The following DIP2B variants were observed in gnomAD, a reference collection of about 807,000 sequenced individuals.
DIP2B encodes the protein DIP2 acetate--CoA ligase B (putative).
DIP2B carries 76 observed loss-of-function variants against 198.0 expected under a neutral mutation model. The ratio of observed to expected loss-of-function variants is 0.38; its 90% CI spans 0.32 to 0.46. The LOEUF (loss-of-function observed/expected upper bound fraction) is 0.46. DIP2B is among the 20% of genes least tolerant of loss of function. The pLI is 0.99. For missense variants in DIP2B, 1,559 were observed against 1,978.4 expected (o/e 0.79, Z 4.02); for synonymous variants, 701 against 739.1 (o/e 0.95, Z 0.84).
rs530473247 is a variant in DIP2B at position 50,515,773 on chromosome 12, A to G, written c.100+10533A>G. 4.6e-5 allele frequency among the ~76,000 whole-genome samples: 7 copies of G among 152,212 alleles called. 1 individual carries two copies. The South Asian group carries it at 1.2e-3, about 27-fold the overall frequency. On this transcript the variant is annotated intron_variant, in intron 1 of 37. Coordinates refer to ENST00000301180, the MANE Select transcript of DIP2B (RefSeq NM_173602.3). ...CTGTGCACGTGGTTCCCTAGTCTGT[A>G]TCTGTAGCCCTGACTTGCCTCTGCT...
intron 9 of DIP2B, among the ~76,000 whole-genome samples, chr12:50,682,391 C>T (rs1487368081): frequency 1.3e-5 from 2 of 151,968 alleles, no homozygotes. Flanking sequence ...TTTGGGAGGC[C>T]AAGGCAGGCA....
chr12:50,699,920 C>T (rs1939389197), intron 19 of DIP2B, among the ~76,000 whole-genome samples: 1 of 151,666 alleles, frequency 6.6e-6, no homozygotes, highest in Admixed American at 6.6e-5. Context: ...GGTAAGAGGC[C>T]TCACAAAAAT....
chr12:50,704,373 G>A (rs1422998904), intron 20 of DIP2B, among the ~76,000 whole-genome samples, 153 bp downstream of exon 20: 3 of 152,204 alleles, frequency 2.0e-5, no homozygotes, highest in Non-Finnish European at 4.4e-5. Context: ...CATAAAATGA[G>A]TTAGTGTTTA....
rs761592406 is a variant in DIP2B at position 50,718,819 on chromosome 12, G to A, written c.2961+1G>A. 2.5e-6 allele frequency: 4 copies of A among 1,613,944 alleles called. No homozygotes were observed. The highest frequency in any genetic ancestry group is 3.4e-6 in the Non-Finnish European group (4 of 1,179,844). On this transcript the variant is annotated splice_donor_variant, in intron 24 of 37. Coordinates refer to ENST00000301180, the MANE Select transcript of DIP2B (RefSeq NM_173602.3). LOFTEE classifies it high-confidence loss of function. ...AGAAGAGAATGATTTGGTGAGGAAG[G>A]TAAGTGTTCCTGAAGTGTTACCTTC...
intron 4 of DIP2B, among the ~76,000 whole-genome samples, chr12:50,669,737 T>C (rs556886966): frequency 6.6e-6 from 1 of 152,296 alleles, no homozygotes; most frequent in East Asian, 1.9e-4. Context: ...TTATTTTAAC[T>C]TTCTCTCTTG....
Position 50,731,534 on chromosome 12 carries a change from A to G in DIP2B, c.3807A>G (p.Leu1269=), listed in dbSNP as rs1176187454. The change falls in exon 31 of 38, where the codon CTA becomes CTG. Residue 1269 remains leucine (L), a synonymous_variant. Transcript: ENST00000301180. ...TKGLGNQVEV[L]KTRGINLSCV... ...GTCTTGGGAACCAAGTGGAAGTGCT[A>G]AAGGTAAGAAGCAGCTCCAGCAGGT... 6.2e-7 allele frequency: 1 copy of G among 1,611,512 alleles called. No individual in the cohort carries two copies. Among genetic ancestry groups the G allele is most frequent in the South Asian group, 1.1e-5 (1 of 90,812 alleles).
intron 22 of DIP2B, among the ~76,000 whole-genome samples, chr12:50,710,938 CAT>C (rs1939604202): frequency 1.3e-5 from 2 of 152,178 alleles, no homozygotes; most frequent in African/African-American, 4.8e-5. Context: ...TCATACCAAT[CAT>C]ATTTTCAGTC....
intron 3 of DIP2B, among the ~76,000 whole-genome samples, chr12:50,641,974 AAC>A (rs1429097669): frequency 3.3e-5 from 5 of 152,150 alleles, no homozygotes; most frequent in African/African-American, 9.7e-5. Context: ...TGAACTGAAA[AAC>A]ACAGTCTATA....
At chr12:50,552,084 T>C (rs1384948951) in intron 1 of DIP2B, among the ~76,000 whole-genome samples, 6 of 152,196 alleles carry the variant, frequency 3.9e-5, no homozygotes, top group African/African-American at 1.4e-4. Context: ...TGTTGTTTTT[T>C]AAAATAGATA....
chr12:50,606,332 G>A (rs1360651780), intron 1 of DIP2B, among the ~76,000 whole-genome samples: 3 of 151,986 alleles, frequency 2.0e-5, no homozygotes, highest in Admixed American at 1.3e-4. Context: ...TGTTGCCCAA[G>A]CTGGTCTGGA....
chr12:50,642,310 A>T lies in DIP2B; in HGVS notation c.301+1458A>T, dbSNP rs542430104. Among the ~76,000 whole-genome samples, 3 of 152,322 alleles carry T rather than the reference A, an allele frequency of 2.0e-5. No individual in the cohort carries two copies. The East Asian group carries it at 5.8e-4, about 29-fold the overall frequency. Reference sequence around the variant, plus strand: ...AGAGGTGGGAGATGAGGCTAGAAAGATTACCAGAGACCAGATCTTGTGGGA... The same window carrying T: ...AGAGGTGGGAGATGAGGCTAGAAAGTTTACCAGAGACCAGATCTTGTGGGA... On this transcript the variant is annotated intron_variant, in intron 3 of 37. Transcript: ENST00000301180.
At chr12:50,527,497 C>A (rs1289209756) in intron 1 of DIP2B, among the ~76,000 whole-genome samples, 1 of 152,154 alleles carries the variant, frequency 6.6e-6, no homozygotes, top group Admixed American at 6.5e-5. Context: ...TGTGAAACAT[C>A]TTAATAACTA....
intron 3 of DIP2B, among the ~76,000 whole-genome samples, chr12:50,649,289 G>A (rs1938412309): frequency 6.6e-6 from 1 of 152,110 alleles, no homozygotes; most frequent in African/African-American, 2.4e-5. Context: ...GAATAGCTAA[G>A]AGAACACTGA....
intron 1 of DIP2B, among the ~76,000 whole-genome samples, chr12:50,517,942 T>G (rs1186455952): frequency 6.6e-6 from 1 of 152,214 alleles, no homozygotes; most frequent in Non-Finnish European, 1.5e-5. Flanking sequence ...TCTGTATAAG[T>G]AGTCATCAGT....
At chr12:50,573,743 C>T (rs1381855759) in intron 1 of DIP2B, among the ~76,000 whole-genome samples, 1 of 152,202 alleles carries the variant, frequency 6.6e-6, no homozygotes, top group Non-Finnish European at 1.5e-5. Context: ...CTTCCCTTTG[C>T]AGAATGTGTA....
chr12:50,708,679 A>G (rs977228296), intron 22 of DIP2B, 117 bp downstream of exon 22: 5 of 779,498 alleles, frequency 6.4e-6, no homozygotes, highest in Non-Finnish European at 1.1e-5. Context: ...CATTGCTCAC[A>G]TACTCTGGGT....
intron 1 of DIP2B, among the ~76,000 whole-genome samples, chr12:50,585,690 G>A (rs920149761): frequency 6.6e-6 from 1 of 152,154 alleles, no homozygotes; most frequent in Non-Finnish European, 1.5e-5. Context: ...AAGGAGTTTA[G>A]TTTTTATTCA....
chr12:50,637,023 A>G (rs1938173241), intron 2 of DIP2B, among the ~76,000 whole-genome samples: 1 of 152,068 alleles, frequency 6.6e-6, no homozygotes, highest in African/African-American at 2.4e-5. Flanking sequence ...ACTGTCCTCA[A>G]TTACTCACAG....
At chr12:50,691,867 C>T (rs1463935200) in intron 13 of DIP2B, among the ~76,000 whole-genome samples, 1 of 152,100 alleles carries the variant, frequency 6.6e-6, no homozygotes, top group Non-Finnish European at 1.5e-5. Context: ...GGTTCGAGAC[C>T]AGCCTGGCCA....
Sources: gnomAD v4.1 joint callset for allele counts (sites outside exome capture counted in the v4.1 genomes callset) on GRCh38, gnomAD v4.1.1 for gene constraint, MANE v1.5 for transcripts, NCBI Gene and HGNC (gene_info 2026-07-23, HGNC 2026-07-21) for gene names.